GPD2: variants seen among roughly 807,000 people sequenced by gnomAD.
The protein encoded by GPD2 is glycerol-3-phosphate dehydrogenase 2, also known as glycerol-3-phosphate dehydrogenase, mitochondrial.
In GPD2, 54 loss-of-function variants were observed where a neutral mutation model predicts 82.4. That is an observed-to-expected ratio of 0.66 (90% CI 0.53 to 0.82). GPD2 has a LOEUF of 0.82. GPD2 is among the 40% of genes least tolerant of loss of function. The pLI is 0.00. For missense variants in GPD2, 748 were observed against 896.2 expected (o/e 0.83, Z 2.11); for synonymous variants, 288 against 306.1 (o/e 0.94, Z 0.62).
intron 13 of GPD2, among the ~76,000 whole-genome samples, chr2:156,576,625 A>G (rs927021161): frequency 3.3e-5 from 5 of 152,212 alleles, no homozygotes; most frequent in African/African-American, 9.6e-5. Context: ...CCCCAGTGCT[A>G]GAGTTGTTTA....
chr2:156,577,625 G>C (rs1184993201), intron 13 of GPD2, among the ~76,000 whole-genome samples: 1 of 152,302 alleles, frequency 6.6e-6, no homozygotes, highest in Non-Finnish European at 1.5e-5. Flanking sequence ...CACTGGCACT[G>C]TTCTTCAGAC....
intron 2 of GPD2, among the ~76,000 whole-genome samples, chr2:156,484,239 ATTC>A (rs1416884312): frequency 2.0e-5 from 3 of 151,698 alleles, no homozygotes; most frequent in Non-Finnish European, 2.9e-5. Context: ...GGTTCAAGCA[ATTC>A]TTCTTGCCTC....
Position 156,568,474 on chromosome 2 carries a change from T to C in GPD2, c.1166-351T>C, listed in dbSNP as rs1687471184. 3.3e-5 allele frequency among the ~76,000 whole-genome samples: 5 copies of C among 152,104 alleles called. No homozygotes were observed. In the South Asian group the frequency reaches 8.3e-4, roughly 25 times the overall value. Reference sequence around the variant, plus strand: ...TTTAACAATTCATGCATCGTTAGCATTGGTTTTGATTGTTTCTGCTTTTTT... The same window carrying C: ...TTTAACAATTCATGCATCGTTAGCACTGGTTTTGATTGTTTCTGCTTTTTT... On this transcript the variant is annotated intron_variant, in intron 9 of 16. Transcript: ENST00000438166.
chr2:156,562,054 T>C (rs1314310857), intron 9 of GPD2, among the ~76,000 whole-genome samples: 1 of 152,158 alleles, frequency 6.6e-6, no homozygotes, highest in Non-Finnish European at 1.5e-5. Flanking sequence ...TTTTGAAAAA[T>C]GTATCATTAA....
intron 1 of GPD2, among the ~76,000 whole-genome samples, chr2:156,459,002 T>G (rs1168521783): frequency 3.1e-5 from 1 of 32,256 alleles, no homozygotes; most frequent in Non-Finnish European, 8.1e-5. Flanking sequence ...TACTTTAAAA[T>G]AGAAATATAT....
chr2:156,512,358 C>A, intron 5 of GPD2, 41 bp downstream of exon 5: 1 of 926,140 alleles, frequency 1.1e-6, no homozygotes, highest in Middle Eastern at 2.1e-4. Context: ...TGCTTCTCTG[C>A]GGTCAATAGA....
At chr2:156,485,816 T>C (rs995045836) in intron 2 of GPD2, among the ~76,000 whole-genome samples, 5 of 152,234 alleles carry the variant, frequency 3.3e-5, no homozygotes, top group Non-Finnish European at 7.3e-5. Context: ...AGAAAAAGTT[T>C]TGTTAAGCAT....
intron 11 of GPD2, 45 bp downstream of exon 11, chr2:156,569,583 C>T: frequency 7.0e-7 from 1 of 1,423,758 alleles, no homozygotes; most frequent in Non-Finnish European, 9.9e-7. Context: ...CCTAATCTCT[C>T]ACTGCTGCCA....
At chr2:156,476,275 A>G in intron 2 of GPD2, 68 bp downstream of exon 2, 1 of 847,658 alleles carries the variant, frequency 1.2e-6, no homozygotes, top group Non-Finnish European at 2.1e-6. Flanking sequence ...TCTATGGGGA[A>G]TGTGTGCACT....
At chr2:156,400,972 AATC>A in the GPD2 span, among the ~76,000 whole-genome samples, 1 of 152,178 alleles carries the variant, frequency 6.6e-6, no homozygotes, top group Non-Finnish European at 1.5e-5. Flanking sequence ...GGCTGAAAAA[AATC>A]AGCGAAGCTC....
At chr2:156,460,741 A>G (rs945427951) in intron 1 of GPD2, among the ~76,000 whole-genome samples, 1 of 152,250 alleles carries the variant, frequency 6.6e-6, no homozygotes, top group African/African-American at 2.4e-5. Flanking sequence ...GCTCTCTTAG[A>G]TGACACTGTC....
rs140865669 is a variant in GPD2 at position 156,482,500 on chromosome 2, GGA to G, written c.102+6294_102+6295del. Among the ~76,000 whole-genome samples, 145 of 152,112 alleles carry G rather than the reference GGA, an allele frequency of 9.5e-4. 4 individuals carry two copies. The East Asian group carries it at 0.028, about 29-fold the overall frequency. On this transcript the variant is annotated intron_variant, in intron 2 of 16. Coordinates refer to ENST00000438166, the MANE Select transcript of GPD2 (RefSeq NM_000408.5). ...TAAATTAATATCAGTGCCATTTATT[GGA>G]ATTCTGTGGTGAAACATTCTTTAAA...
the GPD2 span, among the ~76,000 whole-genome samples, chr2:156,407,822 G>C: frequency 2.0e-5 from 3 of 151,692 alleles, no homozygotes; most frequent in Non-Finnish European, 2.9e-5. Flanking sequence ...TTTAAATATT[G>C]CAAAATTACT....
At chr2:156,443,943 C>T (rs918814384) in intron 1 of GPD2, among the ~76,000 whole-genome samples, 1 of 152,168 alleles carries the variant, frequency 6.6e-6, no homozygotes, top group Admixed American at 6.5e-5. Flanking sequence ...GCATTGGGGA[C>T]CATTTATGTG....
At chr2:156,492,480 A>G (rs1573925956) in intron 2 of GPD2, among the ~76,000 whole-genome samples, 1 of 147,062 alleles carries the variant, frequency 6.8e-6, no homozygotes, top group Non-Finnish European at 1.5e-5. Flanking sequence ...AATTTTAACC[A>G]TTGTAAAAGA....
intron 13 of GPD2, among the ~76,000 whole-genome samples, chr2:156,576,466 T>TA (rs34280846): frequency 0.031 from 4,595 of 149,456 alleles, 239 homozygotes; most frequent in African/African-American, 0.11. Flanking sequence ...TAAGCTGTGA[T>TA]AAAAAAAAAA....
chr2:156,557,724 C>G, intron 9 of GPD2, 142 bp downstream of exon 9: 2 of 686,586 alleles, frequency 2.9e-6, no homozygotes, highest in Non-Finnish European at 5.3e-6. Context: ...TTTATGAGGG[C>G]CAAATTTTAA....
the GPD2 span, among the ~76,000 whole-genome samples, chr2:156,411,471 C>T: frequency 1.3e-5 from 2 of 151,932 alleles, no homozygotes; most frequent in Non-Finnish European, 2.9e-5. Context: ...ACCCACCACC[C>T]TGCCCAGCTA....
At chr2:156,466,939 A>G (rs1418956914) in intron 1 of GPD2, among the ~76,000 whole-genome samples, 3 of 152,156 alleles carry the variant, frequency 2.0e-5, no homozygotes, top group South Asian at 2.1e-4. Context: ...GAGGCTGAGA[A>G]GTGGTCCTGG....
Sources: allele counts gnomAD v4.1 joint callset (sites outside exome capture counted in the v4.1 genomes callset), GRCh38; gene constraint gnomAD v4.1.1; transcripts MANE v1.5; gene names NCBI Gene and HGNC (gene_info 2026-07-23, HGNC 2026-07-21).